AUTS2: variants seen among roughly 807,000 people sequenced by gnomAD.
AUTS2 encodes the protein autism susceptibility gene 2 protein.
Under a neutral mutation model 112.4 loss-of-function variants are expected in AUTS2, and 17 were observed. The observed-to-expected ratio is 0.15, with a 90% CI of 0.10 to 0.23. AUTS2 has a LOEUF of 0.23. AUTS2 is among the 10% of genes least tolerant of loss of function. AUTS2 has a pLI of 1.00. For missense variants in AUTS2, 1,510 were observed against 1,701.6 expected (o/e 0.89, Z 1.98); for synonymous variants, 751 against 702.7 (o/e 1.07, Z -1.09).
chr7:70,520,301 C>T (rs537303919), intron 5 of AUTS2, among the ~76,000 whole-genome samples: 15 of 152,292 alleles, frequency 9.8e-5, no homozygotes, highest in Non-Finnish European at 2.2e-4. Context: ...GGAATAAAAC[C>T]CAAGTCTGTT....
At chr7:70,092,776 G>A (rs985078196) in intron 2 of AUTS2, among the ~76,000 whole-genome samples, 3 of 152,138 alleles carry the variant, frequency 2.0e-5, no homozygotes, top group Non-Finnish European at 4.4e-5. Context: ...GGTTTTGGAT[G>A]CCTTCCCACT....
intron 5 of AUTS2, among the ~76,000 whole-genome samples, chr7:70,556,731 C>A (rs1017056991): frequency 1.3e-5 from 2 of 152,200 alleles, no homozygotes; most frequent in African/African-American, 2.4e-5. Flanking sequence ...CTTCTGATAA[C>A]CACCCAGTTT....
At chr7:70,427,301 G>A (rs2130772816) in intron 4 of AUTS2, among the ~76,000 whole-genome samples, 1 of 152,264 alleles carries the variant, frequency 6.6e-6, no homozygotes, top group South Asian at 2.1e-4. Flanking sequence ...GCCCCAGACT[G>A]TCAGTTTTAC....
In AUTS2 at chr7:70,168,908, C is replaced by T. The variant is rs1419431791; in HGVS notation, c.660+34337C>T. Among the ~76,000 whole-genome samples, 4 of 151,912 alleles carry T rather than the reference C, an allele frequency of 2.6e-5. No individual in the cohort carries two copies. In the East Asian group the frequency reaches 7.7e-4, roughly 29 times the overall value. ...GCCCTAAATATTAGGTCATCATTTC[C>T]TCTTTATTGTTAGGTAACCCAGAAT... On this transcript the variant is annotated intron_variant, in intron 4 of 18. Transcript: ENST00000342771.
At chr7:70,369,457 A>G (rs979882788) in intron 4 of AUTS2, among the ~76,000 whole-genome samples, 4 of 152,142 alleles carry the variant, frequency 2.6e-5, no homozygotes, top group African/African-American at 4.8e-5. Context: ...ATGAGATTAA[A>G]CCGAGGCCTT....
intron 1 of AUTS2, among the ~76,000 whole-genome samples, chr7:69,699,798 C>T (rs1236459726): frequency 6.6e-6 from 1 of 152,030 alleles, no homozygotes; most frequent in Non-Finnish European, 1.5e-5. Context: ...GTGCCCGCCG[C>T]CACACCTGGC....
intron 2 of AUTS2, among the ~76,000 whole-genome samples, chr7:70,114,771 A>G (rs1196568334): frequency 6.6e-6 from 1 of 152,146 alleles, no homozygotes. Context: ...ATTGCACTCC[A>G]GCCTGGGCAA....
chr7:70,253,316 A>G (rs536599966), intron 4 of AUTS2, among the ~76,000 whole-genome samples: 2 of 152,310 alleles, frequency 1.3e-5, no homozygotes, highest in East Asian at 3.9e-4. Context: ...TAACTCTGTT[A>G]GTACATACTA....
intron 5 of AUTS2, among the ~76,000 whole-genome samples, chr7:70,587,185 C>A (rs1290090160): frequency 6.6e-6 from 1 of 152,114 alleles, no homozygotes; most frequent in Non-Finnish European, 1.5e-5. Context: ...TTGAGCAACC[C>A]TCCCACCTCT....
chr7:70,182,917 C>G (rs1418260919), intron 4 of AUTS2, among the ~76,000 whole-genome samples: 5 of 152,166 alleles, frequency 3.3e-5, no homozygotes, highest in African/African-American at 1.2e-4. Context: ...GGCCTGTCAC[C>G]TATCATGCCC....
At chr7:70,519,754 A>G (rs750264136) in intron 5 of AUTS2, among the ~76,000 whole-genome samples, 1 of 152,202 alleles carries the variant, frequency 6.6e-6, no homozygotes, top group African/African-American at 2.4e-5. Flanking sequence ...GAGGACACAC[A>G]AAGTTAGTGA....
intron 1 of AUTS2, among the ~76,000 whole-genome samples, chr7:69,809,771 T>G (rs1718740411): frequency 6.6e-6 from 1 of 152,180 alleles, no homozygotes; most frequent in Admixed American, 6.5e-5. Flanking sequence ...TACAACAGAT[T>G]GTTCTGCTTG....
intron 2 of AUTS2, among the ~76,000 whole-genome samples, chr7:69,913,277 C>T (rs996757279): frequency 6.6e-6 from 1 of 152,068 alleles, no homozygotes; most frequent in Non-Finnish European, 1.5e-5. Flanking sequence ...TCTTATGATC[C>T]TTTGTTTATA....
chr7:69,780,494 G>A (rs1789098483), intron 1 of AUTS2, among the ~76,000 whole-genome samples: 1 of 152,218 alleles, frequency 6.6e-6, no homozygotes, highest in African/African-American at 2.4e-5. Flanking sequence ...TGATGTAACT[G>A]TGGTCTAACA....
At chr7:70,715,630 C>G (rs746174831) in intron 6 of AUTS2, among the ~76,000 whole-genome samples, 10 of 152,052 alleles carry the variant, frequency 6.6e-5, no homozygotes, top group Non-Finnish European at 1.2e-4. Flanking sequence ...CTCCTGGACT[C>G]TAGTGATTCT....
At chr7:69,692,001 T>C (rs1221918662) in intron 1 of AUTS2, among the ~76,000 whole-genome samples, 1 of 152,168 alleles carries the variant, frequency 6.6e-6, no homozygotes, top group Non-Finnish European at 1.5e-5. Flanking sequence ...CCTGTTTTTG[T>C]CAACTGTGCC....
intron 6 of AUTS2, among the ~76,000 whole-genome samples, chr7:70,725,457 AATTTGGGAGCAACTCT>A (rs1473012242): frequency 6.6e-6 from 1 of 152,202 alleles, no homozygotes; most frequent in Non-Finnish European, 1.5e-5. Flanking sequence ...GAATGAATGA[AATTTGGGAGCAACTCT>A]AGTCCCCATG....
In AUTS2 at chr7:70,140,126, T is replaced by G. The variant is rs576171204; in HGVS notation, c.660+5555T>G. Among the ~76,000 whole-genome samples the G allele has an allele frequency of 7.9e-5, 12 of 152,350 alleles. 1 individual carries two copies. In the South Asian group the frequency reaches 2.5e-3, roughly 32 times the overall value. ...CTTTCAAAATTTTCTGGTTGTCTTA[T>G]ATATAATACCTTGTATAAGCTGATC... On this transcript the variant is annotated intron_variant, in intron 4 of 18. Coordinates refer to ENST00000342771, the MANE Select transcript of AUTS2 (RefSeq NM_015570.4).
At chr7:70,685,104 C>T (rs1808402128) in intron 5 of AUTS2, among the ~76,000 whole-genome samples, 1 of 152,200 alleles carries the variant, frequency 6.6e-6, no homozygotes, top group Non-Finnish European at 1.5e-5. Context: ...GAGCTTGACT[C>T]AGTCCTAGAA....
Sources: gnomAD v4.1 joint callset for allele counts (sites outside exome capture counted in the v4.1 genomes callset) on GRCh38, gnomAD v4.1.1 for gene constraint, MANE v1.5 for transcripts, NCBI Gene and HGNC (gene_info 2026-07-23, HGNC 2026-07-21) for gene names.